Variants in TYW1B observed in about 807,000 individuals in gnomAD.
The protein encoded by TYW1B is tRNA-yW synthesizing protein 1 homolog B.
Under a neutral mutation model 86.9 loss-of-function variants are expected in TYW1B, and 73 were observed. The observed-to-expected ratio is 0.84, with a 90% CI of 0.70 to 1.02. TYW1B has a LOEUF of 1.02. TYW1B is among the 50% of genes least tolerant of loss of function. TYW1B has a pLI of 0.00. For missense variants in TYW1B, 637 were observed against 827.4 expected (o/e 0.77, Z 2.82); for synonymous variants, 248 against 292.8 (o/e 0.85, Z 1.56).
chr7:72,696,679 G>A (rs1482306193), intron 10 of TYW1B, among the ~76,000 whole-genome samples: 3 of 151,948 alleles, frequency 2.0e-5, no homozygotes, highest in East Asian at 1.9e-4. Context: ...AATTTTTAAG[G>A]GAATATAGGC....
At chr7:72,761,549 C>T (rs930916828) in intron 7 of TYW1B, among the ~76,000 whole-genome samples, 2 of 150,950 alleles carry the variant, frequency 1.3e-5, no homozygotes, top group Non-Finnish European at 2.9e-5. Flanking sequence ...TATGATTGTG[C>T]CACTGCACTC....
intron 5 of TYW1B, among the ~76,000 whole-genome samples, chr7:72,805,693 A>T (rs1563100203): frequency 6.6e-6 from 1 of 152,074 alleles, no homozygotes; most frequent in East Asian, 1.9e-4. Context: ...CTTGAATTTC[A>T]GATGTGCCTA....
chr7:72,641,113 A>G (rs1477910237), intron 11 of TYW1B, among the ~76,000 whole-genome samples: 1 of 152,106 alleles, frequency 6.6e-6, no homozygotes, highest in East Asian at 1.9e-4. Flanking sequence ...AGGAATTATA[A>G]GAAAATACTA....
chr7:72,705,452 G>A (rs1380948195), intron 10 of TYW1B, among the ~76,000 whole-genome samples: 1 of 152,198 alleles, frequency 6.6e-6, no homozygotes, highest in Admixed American at 6.5e-5. Flanking sequence ...GGGAGCAGGA[G>A]GTGAGTCTGA....
intron 11 of TYW1B, 150 bp downstream of exon 11, chr7:72,694,536 TA>T: frequency 8.2e-7 from 1 of 1,225,082 alleles, no homozygotes. Flanking sequence ...AAGAAGTCTC[TA>T]AAAAGTTGAA....
intron 11 of TYW1B, among the ~76,000 whole-genome samples, chr7:72,690,618 C>T (rs555506545): frequency 1.4e-4 from 22 of 152,312 alleles, no homozygotes; most frequent in Admixed American, 3.9e-4. Context: ...CTTCAAATGC[C>T]TTTCCTTGCT....
rs11335165 is a variant in TYW1B at position 72,713,136 on chromosome 7, T to TAA, written c.1370+483_1370+484dup. Among the ~76,000 whole-genome samples, 123 of 141,514 alleles carry TAA rather than the reference T, an allele frequency of 8.7e-4. 1 individual carries two copies. The highest frequency in any genetic ancestry group is 7.0e-3 in the Middle Eastern group (2 of 286). 92.8% of individuals were successfully genotyped at this position (141,514 alleles called of 152,430 possible). ...CAACATGGTGAAAGCCCATCTCTAT[T>TAA]AAAAAAAAAAAAAAATTAGCTGGGC... On this transcript the variant is annotated intron_variant, in intron 10 of 13. Transcript: ENST00000620995.
intron 11 of TYW1B, among the ~76,000 whole-genome samples, chr7:72,678,288 G>A (rs1455034746): frequency 2.6e-5 from 4 of 152,124 alleles, no homozygotes; most frequent in African/African-American, 9.7e-5. Context: ...TGCTGCTGAG[G>A]AGGGATATTA....
At chr7:72,682,885 C>T (rs1813909714) in intron 11 of TYW1B, among the ~76,000 whole-genome samples, 1 of 152,162 alleles carries the variant, frequency 6.6e-6, no homozygotes, top group South Asian at 2.1e-4. Context: ...AAATTCCAGA[C>T]AGATCCAGTC....
At chr7:72,826,321 C>T (rs1788928089) in intron 2 of TYW1B, among the ~76,000 whole-genome samples, 1 of 152,152 alleles carries the variant, frequency 6.6e-6, no homozygotes, top group Non-Finnish European at 1.5e-5. Flanking sequence ...GATACTGACA[C>T]ACTTTATTTT....
intron 8 of TYW1B, among the ~76,000 whole-genome samples, chr7:72,740,194 C>T (rs1480876257): frequency 1.3e-5 from 2 of 151,770 alleles, no homozygotes; most frequent in Admixed American, 6.6e-5. Flanking sequence ...GATTGCACCA[C>T]TGCACTCCAG....
chr7:72,766,193 G>A (rs1787765990), intron 7 of TYW1B, among the ~76,000 whole-genome samples: 1 of 152,210 alleles, frequency 6.6e-6, no homozygotes, highest in African/African-American at 2.4e-5. Context: ...GTTACAGCAG[G>A]TCTTACCTAA....
At chr7:72,795,090 G>T (rs1377151402) in intron 6 of TYW1B, among the ~76,000 whole-genome samples, 1 of 151,970 alleles carries the variant, frequency 6.6e-6, no homozygotes, top group Non-Finnish European at 1.5e-5. Context: ...AAAGTGCTGG[G>T]ATTACATGTG....
intron 7 of TYW1B, among the ~76,000 whole-genome samples, chr7:72,769,359 G>A (rs1787828287): frequency 6.6e-6 from 1 of 152,150 alleles, no homozygotes; most frequent in African/African-American, 2.4e-5. Flanking sequence ...AAGCTGACAT[G>A]TGAAAATGTA....
At chr7:72,736,745 G>T (rs570614377) in intron 8 of TYW1B, among the ~76,000 whole-genome samples, 1 of 152,046 alleles carries the variant, frequency 6.6e-6, no homozygotes, top group Admixed American at 6.6e-5. Flanking sequence ...TGTTGTGATC[G>T]GCTTCTTTCA....
chr7:72,691,452 T>C (rs1195471873), intron 11 of TYW1B, among the ~76,000 whole-genome samples: 2 of 152,246 alleles, frequency 1.3e-5, no homozygotes, highest in Non-Finnish European at 2.9e-5. Flanking sequence ...TTTAAGTTAC[T>C]GCATTACTGT....
chr7:72,733,720 A>G (rs1184120676), intron 8 of TYW1B, among the ~76,000 whole-genome samples: 1 of 152,162 alleles, frequency 6.6e-6, no homozygotes, highest in Non-Finnish European at 1.5e-5. Context: ...AATTGAAGAG[A>G]GCACACACAC....
intron 13 of TYW1B, among the ~76,000 whole-genome samples, chr7:72,583,936 C>G (rs1554430033): frequency 6.6e-6 from 1 of 152,256 alleles, no homozygotes; most frequent in Non-Finnish European, 1.5e-5. Flanking sequence ...GTTAAAGAGA[C>G]CGTGGCCATT....
chr7:72,663,688 C>T (rs1435608195), intron 11 of TYW1B, among the ~76,000 whole-genome samples: 4 of 127,946 alleles, frequency 3.1e-5, no homozygotes, highest in African/African-American at 8.8e-5. Context: ...GGCGTGAACC[C>T]GGGGGGCGGA....
Sources: gnomAD v4.1 joint callset for allele counts (sites outside exome capture counted in the v4.1 genomes callset) on GRCh38, gnomAD v4.1.1 for gene constraint, MANE v1.5 for transcripts, NCBI Gene and HGNC (gene_info 2026-07-23, HGNC 2026-07-21) for gene names.